The following JPH3 variants were observed in gnomAD, a reference collection of about 807,000 sequenced individuals.
JPH3 encodes the protein junctophilin-3.
JPH3 carries 11 observed loss-of-function variants against 59.6 expected under a neutral mutation model. That is an observed-to-expected ratio of 0.18 (90% CI 0.12 to 0.31). JPH3 has a LOEUF of 0.31. Ranked by LOEUF, JPH3 falls within the 10% of genes least tolerant of loss-of-function variation. The pLI is 1.00. For missense variants in JPH3, 1,202 were observed against 1,105.7 expected, an observed-to-expected ratio of 1.09 and a Z score of -1.24; for synonymous variants, 673 against 483.6, an observed-to-expected ratio of 1.39 and a Z score of -5.14.
At chr16:87,622,506 A>G (rs1328934571) in intron 1 of JPH3, among the ~76,000 whole-genome samples, 1 of 136,628 alleles carries the variant, frequency 7.3e-6, no homozygotes, top group African/African-American at 2.5e-5. Flanking sequence ...CTTCCTGTGA[A>G]GCAGCAGCTG....
chr16:87,644,166 A>C, intron 1 of JPH3, 92 bp from the exon 2 acceptor site: 2 of 1,328,852 alleles, frequency 1.5e-6, no homozygotes, highest in Non-Finnish European at 2.1e-6. Context: ...GGAAGCTCAG[A>C]CAGGACTGTG....
At chr16:87,663,115 C>CTTTTTTTTTTTTTTTTTTT (rs60196379) in intron 2 of JPH3, among the ~76,000 whole-genome samples, 1 of 143,434 alleles carries the variant, frequency 7.0e-6, no homozygotes, top group African/African-American at 2.6e-5. Context: ...TAATTTCTTT[C>CTTTTTTTTTTTTTTTTTTT]TTTTTTTTTT....
intron 2 of JPH3, among the ~76,000 whole-genome samples, chr16:87,682,509 G>C (rs2033320561): frequency 6.6e-6 from 1 of 152,296 alleles, no homozygotes; most frequent in African/African-American, 2.4e-5. Context: ...AGAGGCCTCA[G>C]AGAGCACCCT....
At chr16:87,668,864 C>T (rs185814216) in intron 2 of JPH3, among the ~76,000 whole-genome samples, 37 of 152,242 alleles carry the variant, frequency 2.4e-4, no homozygotes, top group African/African-American at 8.7e-4. Flanking sequence ...CCCAGACAGC[C>T]CTACCCCCAG....
chr16:87,620,694 T>C (rs1454717937), intron 1 of JPH3, among the ~76,000 whole-genome samples: 1 of 152,134 alleles, frequency 6.6e-6, no homozygotes, highest in African/African-American at 2.4e-5. Flanking sequence ...ACAGCAGCCC[T>C]GTGAGGCGCT....
intron 2 of JPH3, among the ~76,000 whole-genome samples, chr16:87,657,491 T>C (rs1160884637): frequency 6.6e-6 from 1 of 152,178 alleles, no homozygotes; most frequent in African/African-American, 2.4e-5. Context: ...ATGCACAGCG[T>C]TGAATGTACT....
intron 1 of JPH3, among the ~76,000 whole-genome samples, chr16:87,609,896 T>A (rs1297080072): frequency 6.6e-6 from 1 of 152,206 alleles, no homozygotes; most frequent in Admixed American, 6.5e-5. Flanking sequence ...ATTGTGTGCT[T>A]TATTTCTATT....
upstream of JPH3, chr16:87,601,879 C>A (rs2030207635): frequency 6.6e-6 from 1 of 152,232 alleles, no homozygotes; most frequent in Non-Finnish European, 1.5e-5. Context: ...TGTGTCCCGA[C>A]TCTCACTCAA....
Position 87,644,719 on chromosome 16 carries a change from G to C in JPH3, c.844G>C (p.Ala282Pro). The C allele has an allele frequency of 6.2e-7, 1 of 1,609,432 alleles. No homozygotes were observed. The highest frequency in any genetic ancestry group is 8.5e-7 in the Non-Finnish European group (1 of 1,178,874). ...GGCGGTCATCGAGGACGACATCGAC[G>C]CCACCACCACCGAGACCTACGTGGG... ...ELAVIEDDID[A>P]TTTETYVGEW... Residue 282 changes from alanine to proline, a missense_variant, in exon 2 of 5, where the codon GCC becomes CCC. Ala to Pro is a conservative substitution (Grantham distance 27). Coordinates refer to ENST00000284262, the MANE Select transcript of JPH3 (RefSeq NM_020655.4).
intron 1 of JPH3, among the ~76,000 whole-genome samples, chr16:87,628,442 C>A (rs569328171): frequency 3.8e-4 from 58 of 152,372 alleles, no homozygotes; most frequent in African/African-American, 1.2e-3. Flanking sequence ...GGGGCCGGAT[C>A]GTGATCAGAG....
chr16:87,613,648 G>A (rs913914872), intron 1 of JPH3, among the ~76,000 whole-genome samples: 9 of 152,096 alleles, frequency 5.9e-5, no homozygotes, highest in African/African-American at 2.2e-4. Flanking sequence ...ATATATTTTT[G>A]ATCTGCAGTT....
At chr16:87,668,920 C>G (rs942128717) in intron 2 of JPH3, among the ~76,000 whole-genome samples, 2 of 152,148 alleles carry the variant, frequency 1.3e-5, no homozygotes, top group African/African-American at 4.8e-5. Flanking sequence ...CCGTGGATCT[C>G]CTCTCCCTCG....
chr16:87,617,061 C>A (rs189543350), intron 1 of JPH3, among the ~76,000 whole-genome samples: 12 of 152,200 alleles, frequency 7.9e-5, no homozygotes, highest in Non-Finnish European at 1.6e-4. Flanking sequence ...CCCGTCTTTA[C>A]TAAAAATGTA....
intron 2 of JPH3, among the ~76,000 whole-genome samples, chr16:87,673,328 A>AG (rs1320992191): frequency 6.6e-6 from 1 of 151,378 alleles, no homozygotes; most frequent in East Asian, 1.9e-4. Flanking sequence ...AAAAAAAAAA[A>AG]CTGATCTACT....
intron 2 of JPH3, among the ~76,000 whole-genome samples, chr16:87,660,107 C>G (rs1272830375): frequency 6.6e-6 from 1 of 152,172 alleles, no homozygotes; most frequent in South Asian, 2.1e-4. Flanking sequence ...CCTCAGTTTC[C>G]TCATCTGTAA....
At chr16:87,615,657 C>T (rs571981641) in intron 1 of JPH3, among the ~76,000 whole-genome samples, 2 of 152,180 alleles carry the variant, frequency 1.3e-5, no homozygotes, top group Admixed American at 6.5e-5. Context: ...GCATCTGGGT[C>T]GCCTGACCCG....
intron 1 of JPH3, among the ~76,000 whole-genome samples, chr16:87,640,353 C>T (rs76893415): frequency 6.6e-6 from 1 of 151,256 alleles, no homozygotes; most frequent in African/African-American, 2.4e-5. Context: ...GTCCGGTTAC[C>T]TGTGCATGCC....
intron 2 of JPH3, among the ~76,000 whole-genome samples, chr16:87,647,828 G>A (rs2032203447): frequency 6.6e-6 from 1 of 152,192 alleles, no homozygotes; most frequent in Non-Finnish European, 1.5e-5. Flanking sequence ...AACTTAAAGT[G>A]TCCAAGAGAG....
At chr16:87,626,300 T>C (rs993486775) in intron 1 of JPH3, among the ~76,000 whole-genome samples, 1 of 152,178 alleles carries the variant, frequency 6.6e-6, no homozygotes, top group Non-Finnish European at 1.5e-5. Flanking sequence ...CGCACAGTTA[T>C]CACCATGGAG....
Sources: allele counts gnomAD v4.1 joint callset (sites outside exome capture counted in the v4.1 genomes callset), GRCh38; gene constraint gnomAD v4.1.1; transcripts MANE v1.5; gene names NCBI Gene and HGNC (gene_info 2026-07-23, HGNC 2026-07-21).